The following GSDME variants were observed in gnomAD, a reference collection of about 807,000 sequenced individuals.
GSDME encodes the protein gasdermin-E.
GSDME carries 44 observed loss-of-function variants against 47.5 expected under a neutral mutation model. The ratio of observed to expected loss-of-function variants is 0.93; its 90% CI spans 0.73 to 1.19. The LOEUF is 1.19. GSDME is among the 50% of genes most tolerant of loss of function. The pLI, the probability that GSDME is intolerant of heterozygous loss-of-function variation, is 0.00. For synonymous variants in GSDME, 258 were observed against 252.8 expected (o/e 1.02, Z -0.20); for missense variants, 663 against 604.2 (o/e 1.10, Z -1.02).
rs941728699 is a variant in GSDME, at chr7:24,735,887, G to A, written c.404+8675C>T. Among the ~76,000 whole-genome samples the A allele has an allele frequency of 7.2e-5, 11 of 152,090 alleles. No homozygotes were observed. Among genetic ancestry groups the A allele is most frequent in the Non-Finnish European group, 1.5e-4 (10 of 68,028 alleles). ...GGAAAAAGTTAAGCCGGGGGACAAA[G>A]TTAAGGCGTGGAGTTTGTATTCATT... On this transcript the variant is annotated intron_variant, in intron 3 of 9. Coordinates refer to ENST00000645220, the MANE Select transcript of GSDME (RefSeq NM_001127453.2). This position sits in a 1 kb window ranked among gnomAD's most constrained non-coding sequence, Gnocchi z 4.4.
rs1417545052 is a variant in GSDME, at chr7:24,714,283, C to T, written c.697+2971G>A. On this transcript the variant is annotated intron_variant, in intron 5 of 9. Coordinates refer to ENST00000645220, the MANE Select transcript of GSDME (RefSeq NM_001127453.2). This position sits in a 1 kb window ranked among gnomAD's most constrained non-coding sequence, Gnocchi z 5.0. ...TCCCTTCGAGGTTTCAAAGGACGAC[C>T]AGGATCTCTGTCAAATGCAATCCCA... is the stretch of plus-strand genomic sequence containing the variant. Among the ~76,000 whole-genome samples, 1 of 152,106 alleles carries T rather than the reference C, an allele frequency of 6.6e-6. No homozygotes were observed. The highest frequency in any genetic ancestry group is 1.5e-5 in the Non-Finnish European group (1 of 68,032).
Position 24,757,009 on chromosome 7 carries a change from A to G in GSDME, c.-20+387T>C, listed in dbSNP as rs1791043383. Among the ~76,000 whole-genome samples the G allele has an allele frequency of 6.6e-6, 1 of 151,816 alleles. No homozygotes were observed. Among genetic ancestry groups the G allele is most frequent in the Non-Finnish European group, 1.5e-5 (1 of 67,932 alleles). On this transcript the variant is annotated intron_variant, in intron 1 of 9. Transcript: ENST00000645220. This position sits in a 1 kb window ranked among gnomAD's most constrained non-coding sequence, Gnocchi z 5.9. Reference sequence around the variant, plus strand: ...GCACCCAGAGAAGAGACCGGAACACAAAGGATGAACGAATGGGGAGGGGGG... The same window carrying G: ...GCACCCAGAGAAGAGACCGGAACACGAAGGATGAACGAATGGGGAGGGGGG...
chr7:24,707,489 T>C (rs1789160442), intron 7 of GSDME: 2 of 463,602 alleles, frequency 4.3e-6, no homozygotes, highest in African/African-American at 2.0e-5. Context: ...AGGCTGACTT[T>C]ATAGATTCCA....
intron 3 of GSDME, among the ~76,000 whole-genome samples, chr7:24,740,864 G>T (rs1790466513): frequency 1.3e-5 from 2 of 152,150 alleles, no homozygotes; most frequent in African/African-American, 4.8e-5. Flanking sequence ...TTTACAATAT[G>T]ATGAAGAATA....
At chr7:24,774,465 C>T in the GSDME span, among the ~76,000 whole-genome samples, 311 of 151,726 alleles carry the variant, frequency 2.0e-3, 4 homozygotes, top group African/African-American at 7.3e-3. Flanking sequence ...GCTTTAAGAT[C>T]CTGGGTCTGC....
intron 6 of GSDME, 47 bp downstream of exon 6, chr7:24,710,177 C>T (rs1289851913): frequency 2.5e-6 from 4 of 1,597,732 alleles, no homozygotes; most frequent in East Asian, 2.2e-5. Context: ...GGATACAGGG[C>T]TCAGTTGGCC....
chr7:24,717,948 C>T (rs1437556958), intron 4 of GSDME, among the ~76,000 whole-genome samples: 3 of 152,204 alleles, frequency 2.0e-5, no homozygotes, highest in East Asian at 3.8e-4. Context: ...CCCCTTCCCA[C>T]GATGTCCTGG....
At chr7:24,765,300 G>A in the GSDME span, among the ~76,000 whole-genome samples, 1 of 152,210 alleles carries the variant, frequency 6.6e-6, no homozygotes, top group Non-Finnish European at 1.5e-5. Context: ...TGGACAAAAA[G>A]TTTACAAAAA....
chr7:24,734,087 A>T (rs551791400), intron 3 of GSDME, among the ~76,000 whole-genome samples: 1 of 152,314 alleles, frequency 6.6e-6, no homozygotes, highest in African/African-American at 2.4e-5. Context: ...GCATAGAGAG[A>T]GACTCTGTTT....
At chr7:24,710,557 C>A in intron 5 of GSDME, 169 bp from the exon 6 acceptor site, 1 of 642,466 alleles carries the variant, frequency 1.6e-6, no homozygotes, top group Non-Finnish European at 2.7e-6. Flanking sequence ...CATTATGTTG[C>A]TTGACCAAAA....
rs771085093 is a variant in GSDME, at chr7:24,735,619, G to A, written c.404+8943C>T. Among the ~76,000 whole-genome samples the A allele has an allele frequency of 5.9e-5, 9 of 151,956 alleles. No individual in the cohort carries two copies. Among genetic ancestry groups the A allele is most frequent in the Non-Finnish European group, 1.3e-4 (9 of 67,952 alleles). ...TAAAAATACAAAAAAGTAGCCGGGC[G>A]TGGTGGTGGGCGCCTGTAATCCCAA... On this transcript the variant is annotated intron_variant, in intron 3 of 9. Transcript: ENST00000645220. The surrounding 1 kb of genome is among the most constrained non-coding windows in gnomAD (Gnocchi z 4.4).
chr7:24,708,066 C>T lies in GSDME; in HGVS notation c.990+61G>A, dbSNP rs528339413. 8.7e-6 allele frequency: 14 copies of T among 1,606,382 alleles called. No individual in the cohort carries two copies. The African/African-American group carries it at 1.3e-4, about 15-fold the overall frequency. On this transcript the variant is annotated intron_variant, in intron 7 of 9. Coordinates refer to ENST00000645220, the MANE Select transcript of GSDME (RefSeq NM_001127453.2). ...AACCTTTAACACAATTCCATCCTGCCTCCTCCCCTGTTCCAGAAAACCCCA... is the reference window on the plus strand; with the variant it reads ...AACCTTTAACACAATTCCATCCTGCTTCCTCCCCTGTTCCAGAAAACCCCA...
chr7:24,757,387 C>G lies in GSDME; in HGVS notation c.-20+9G>C, dbSNP rs4722387. The stretch of plus-strand genomic sequence containing the variant: ...CGGATCCCGCAGCCCGCGCCCGCCG[C>G]GCACTTACCCGCGCGCCCGCTGCTG... On this transcript the variant is annotated intron_variant, in intron 1 of 9. Coordinates refer to ENST00000645220, the MANE Select transcript of GSDME (RefSeq NM_001127453.2). This position sits in a 1 kb window ranked among gnomAD's most constrained non-coding sequence, Gnocchi z 5.9. The G allele has an allele frequency of 0.12, 17,630 of 152,348 alleles. 1,241 individuals are homozygous for G. Among genetic ancestry groups the G allele is most frequent in the Middle Eastern group, 0.21 (61 of 294 alleles). The allele number at this position is 152,348 out of a possible 1,614,324, so 9.4% of individuals were successfully genotyped here.
rs906908896 is a variant in GSDME at position 24,739,949 on chromosome 7, C to T, written c.404+4613G>A. ...CTCTACTAAAAATACAAAAATTAGC[C>T]AGGTTTGGTGATGGGTGCCTGTAAT... On this transcript the variant is annotated intron_variant, in intron 3 of 9. Transcript: ENST00000645220. The surrounding 1 kb of genome is among the most constrained non-coding windows in gnomAD (Gnocchi z 5.1). 5.3e-5 allele frequency among the ~76,000 whole-genome samples: 8 copies of T among 151,924 alleles called. No homozygotes were observed. Among genetic ancestry groups the T allele is most frequent in the African/African-American group, 1.9e-4 (8 of 41,344 alleles).
chr7:24,749,560 A>G lies in GSDME; in HGVS notation c.211+4T>C, dbSNP rs369867003. The G allele has an allele frequency of 2.7e-5, 43 of 1,611,292 alleles. No homozygotes were observed. Among genetic ancestry groups the G allele is most frequent in the Non-Finnish European group, 3.6e-5 (42 of 1,178,134 alleles). Reference sequence around the variant, plus strand: ...AATTATAGAATATACCCAAGGAAACATACCTGGACTCGGAAATTGGTCTTC... The same window carrying G: ...AATTATAGAATATACCCAAGGAAACGTACCTGGACTCGGAAATTGGTCTTC... On this transcript the variant is annotated splice_donor_region_variant and intron_variant, in intron 2 of 9. Transcript: ENST00000645220.
At chr7:24,722,279 C>T (rs1789818498) in intron 3 of GSDME, among the ~76,000 whole-genome samples, 1 of 152,112 alleles carries the variant, frequency 6.6e-6, no homozygotes, top group Non-Finnish European at 1.5e-5. Context: ...GTGTGAAAGA[C>T]AGAAGACACG....
intron 1 of GSDME, 31 bp from the exon 2 acceptor site, chr7:24,749,824 TAAG>T (rs763969737): frequency 6.8e-6 from 10 of 1,470,774 alleles, no homozygotes; most frequent in South Asian, 1.1e-5. Context: ...TAAAATCAAA[TAAG>T]AAGTTACTAT....
chr7:24,710,381 G>T lies in GSDME; in HGVS notation c.705C>A (p.Cys235Ter), dbSNP rs756417271. ...YVKLDGQFEF[C>*]LLRGKQGGFE... ...AGCCACCTTGCTTCCCTCGGAGAAG[G>T]CAGAACTCTGTAGTGCAGGAGAAAA... The change falls in exon 6 of 10, where the codon TGC (cysteine) becomes TGA (stop). Residue 235 changes from cysteine to a stop codon, truncating the protein, a stop_gained. Transcript: ENST00000645220. LOFTEE classifies it high-confidence loss of function. The T allele has an allele frequency of 1.9e-6, 3 of 1,614,208 alleles. No homozygotes were observed. The highest frequency in any genetic ancestry group is 4.5e-5 in the East Asian group (2 of 44,886).
At position 24,744,863 on chromosome 7, in the gene GSDME, G is replaced by A; in HGVS notation, c.212-109C>T. ...GCAGAGCCCCGGAAAGCAGAAGGCTGGCACTCAGATGGAAAGCCGGCAGCC... is the reference window on the plus strand; with the variant it reads ...GCAGAGCCCCGGAAAGCAGAAGGCTAGCACTCAGATGGAAAGCCGGCAGCC... On this transcript the variant is annotated intron_variant, in intron 2 of 9. Coordinates refer to ENST00000645220, the MANE Select transcript of GSDME (RefSeq NM_001127453.2). The surrounding 1 kb of genome is among the most constrained non-coding windows in gnomAD (Gnocchi z 4.5). 2.4e-6 allele frequency: 3 copies of A among 1,230,008 alleles called. No homozygotes were observed. The highest frequency in any genetic ancestry group is 1.3e-5 in the South Asian group (1 of 78,070). 76.2% of individuals were successfully genotyped at this position (1,230,008 alleles called of 1,614,324 possible).
Sources: gnomAD v4.1 joint callset for allele counts (sites outside exome capture counted in the v4.1 genomes callset) on GRCh38, gnomAD v4.1.1 for gene constraint, Gnocchi (gnomAD v3.1) non-coding constraint, MANE v1.5 for transcripts, NCBI Gene and HGNC (gene_info 2026-07-23, HGNC 2026-07-21) for gene names.